SLC22A3: variants seen among roughly 807,000 people sequenced by gnomAD.
SLC22A3 encodes the protein EMT organic cation transporter 3.
SLC22A3 carries 51 observed loss-of-function variants against 59.1 expected under a neutral mutation model. That is an observed-to-expected ratio of 0.86 (90% CI 0.69 to 1.09). The LOEUF is 1.09. Among genes scored for constraint, SLC22A3 ranks in the 50% least tolerant of loss-of-function variants. SLC22A3 has a pLI of 0.00. For synonymous variants in SLC22A3, 325 were observed against 292.0 expected, an observed-to-expected ratio of 1.11 and a Z score of -1.15; for missense variants, 711 against 726.3, an observed-to-expected ratio of 0.98 and a Z score of 0.24.
chr6:160,407,191 G>T lies in SLC22A3; in HGVS notation c.684G>T (p.Val228=), dbSNP rs1787053300. The T allele has an allele frequency of 6.2e-7, 1 of 1,606,424 alleles. No homozygotes were observed. The highest frequency in any genetic ancestry group is 1.3e-5 in the African/African-American group (1 of 74,536). Residue 228 remains valine (V), a synonymous_variant, in exon 3 of 11, where the codon GTG becomes GTT. Transcript: ENST00000275300. ...FGKGTWMTCY[V]IVTEIVGSKQ... ...AGGGGACGTGGATGACTTGCTACGT[G>T]ATTGGTAAGACATTCTTACACCATC...
At chr6:160,374,785 A>C (rs1046073619) in intron 1 of SLC22A3, among the ~76,000 whole-genome samples, 3 of 152,230 alleles carry the variant, frequency 2.0e-5, no homozygotes, top group African/African-American at 7.2e-5. Flanking sequence ...GAGAAAAGAA[A>C]GACTTGGCAG....
intron 1 of SLC22A3, among the ~76,000 whole-genome samples, chr6:160,396,667 A>G (rs574711366): frequency 6.6e-6 from 1 of 152,192 alleles, no homozygotes. Context: ...AAAAACTTAG[A>G]CTCGCTTTTG....
intron 8 of SLC22A3, 51 bp downstream of exon 8, chr6:160,442,920 G>T (rs775939483): frequency 7.2e-7 from 1 of 1,387,320 alleles, no homozygotes; most frequent in African/African-American, 1.4e-5. Context: ...GTAGACCAGC[G>T]TTTTAAGTTG....
At chr6:160,385,031 G>A (rs2114803367) in intron 1 of SLC22A3, among the ~76,000 whole-genome samples, 1 of 152,298 alleles carries the variant, frequency 6.6e-6, no homozygotes, top group South Asian at 2.1e-4. Context: ...CTGCCTCCCA[G>A]TGTTCTTAAG....
At chr6:160,442,981 C>A in intron 8 of SLC22A3, 112 bp downstream of exon 8, 1 of 812,344 alleles carries the variant, frequency 1.2e-6, no homozygotes, top group Non-Finnish European at 2.1e-6. Context: ...ATATATTAGC[C>A]TAGGCTGAAT....
At chr6:160,349,642 C>T (rs549208574) in intron 1 of SLC22A3, among the ~76,000 whole-genome samples, 85 of 152,144 alleles carry the variant, frequency 5.6e-4, no homozygotes, top group Non-Finnish European at 9.3e-4. Flanking sequence ...GGGGAGCTTC[C>T]TTCACCCTTG....
At chr6:160,437,296 T>C in intron 7 of SLC22A3, 85 bp downstream of exon 7, 3 of 1,341,766 alleles carry the variant, frequency 2.2e-6, no homozygotes, top group Non-Finnish European at 2.1e-6. Context: ...CACTTGTTCT[T>C]AGGAAATGTG....
chr6:160,405,073 CTTG>C (rs1435997509), intron 2 of SLC22A3, among the ~76,000 whole-genome samples: 2 of 151,908 alleles, frequency 1.3e-5, no homozygotes, highest in African/African-American at 2.4e-5. Context: ...TTGAAATTTT[CTTG>C]TTGTGAGAGA....
intron 5 of SLC22A3, among the ~76,000 whole-genome samples, chr6:160,412,182 T>G (rs1787279850): frequency 6.6e-6 from 1 of 152,002 alleles, no homozygotes; most frequent in South Asian, 2.1e-4. Flanking sequence ...GCCAACATGG[T>G]GAAACCCCAT....
intron 1 of SLC22A3, among the ~76,000 whole-genome samples, chr6:160,364,987 T>C (rs187266828): frequency 8.5e-5 from 13 of 152,290 alleles, no homozygotes; most frequent in Admixed American, 4.6e-4. Context: ...TTTTTTACTA[T>C]GTAAAAAAAT....
chr6:160,446,657 T>G (rs536806403), intron 9 of SLC22A3, among the ~76,000 whole-genome samples: 31 of 152,162 alleles, frequency 2.0e-4, no homozygotes, highest in Non-Finnish European at 3.5e-4. Flanking sequence ...GAGATGAGAT[T>G]TGGGTGGATA....
At chr6:160,372,789 G>A (rs752781939) in intron 1 of SLC22A3, among the ~76,000 whole-genome samples, 19 of 151,770 alleles carry the variant, frequency 1.3e-4, no homozygotes, top group African/African-American at 3.6e-4. Context: ...TGATTGATTC[G>A]GCTATTGATA....
At chr6:160,373,590 A>T (rs1042402850) in intron 1 of SLC22A3, among the ~76,000 whole-genome samples, 1 of 152,162 alleles carries the variant, frequency 6.6e-6, no homozygotes, top group African/African-American at 2.4e-5. Flanking sequence ...GTTTAAGTCT[A>T]CTGAAGCTGT....
intron 3 of SLC22A3, among the ~76,000 whole-genome samples, chr6:160,408,197 T>C (rs374230751): frequency 2.0e-5 from 3 of 152,162 alleles, no homozygotes; most frequent in African/African-American, 7.2e-5. Context: ...ATTTCAGCAA[T>C]AAAATTTCCC....
chr6:160,431,156 A>C (rs1788136932), intron 5 of SLC22A3, among the ~76,000 whole-genome samples: 1 of 152,238 alleles, frequency 6.6e-6, no homozygotes, highest in South Asian at 2.1e-4. Flanking sequence ...TTTAAAAACA[A>C]TTTTAAACCT....
intron 1 of SLC22A3, among the ~76,000 whole-genome samples, chr6:160,371,787 C>T (rs954548081): frequency 6.6e-6 from 1 of 152,102 alleles, no homozygotes; most frequent in Non-Finnish European, 1.5e-5. Context: ...GAAGACAATC[C>T]CACCAACAGT....
At chr6:160,371,329 C>G (rs1373850723) in intron 1 of SLC22A3, among the ~76,000 whole-genome samples, 1 of 152,172 alleles carries the variant, frequency 6.6e-6, no homozygotes, top group Non-Finnish European at 1.5e-5. Flanking sequence ...CTATCCCTCC[C>G]CTAGTACCCT....
rs149545349 is a variant in SLC22A3 at position 160,386,921 on chromosome 6, C to T, written c.430-11058C>T. ...TGGTCACACTGCACACTTCCCAGGC[C>T]GCTTGGCCACCTCACTGTCATGCAG... On this transcript the variant is annotated intron_variant, in intron 1 of 10. Transcript: ENST00000275300. 4.7e-3 allele frequency among the ~76,000 whole-genome samples: 716 copies of T among 152,294 alleles called. 3 individuals are homozygous for T. Among genetic ancestry groups the T allele is most frequent in the African/African-American group, 0.017 (686 of 41,564 alleles).
chr6:160,428,476 T>A (rs1788042868), intron 5 of SLC22A3, among the ~76,000 whole-genome samples: 1 of 152,212 alleles, frequency 6.6e-6, no homozygotes, highest in South Asian at 2.1e-4. Context: ...AGATGTGCTA[T>A]CAAGTAAACT....
Sources: allele counts gnomAD v4.1 joint callset (sites outside exome capture counted in the v4.1 genomes callset), GRCh38; gene constraint gnomAD v4.1.1; transcripts MANE v1.5; gene names NCBI Gene and HGNC (gene_info 2026-07-23, HGNC 2026-07-21).